The following NOVA1 variants were observed in gnomAD, a reference collection of about 807,000 sequenced individuals.
NOVA1 encodes NOVA alternative splicing regulator 1, also known as RNA-binding protein Nova-1.
In NOVA1, 7 loss-of-function variants were observed where a neutral mutation model predicts 38.0. That is an observed-to-expected ratio of 0.18 (90% CI 0.10 to 0.35). The LOEUF (loss-of-function observed/expected upper bound fraction) is 0.35, where lower values mean the gene tolerates loss of function less well. Among genes scored for constraint, NOVA1 ranks in the 10% least tolerant of loss-of-function variants. NOVA1 has a pLI of 1.00. For synonymous variants in NOVA1, 270 were observed against 232.5 expected (o/e 1.16, Z -1.47); for missense variants, 460 against 616.0 (o/e 0.75, Z 2.68).
At chr14:26,539,880 A>T (rs1486773711) in intron 2 of NOVA1, among the ~76,000 whole-genome samples, 1 of 150,530 alleles carries the variant, frequency 6.6e-6, no homozygotes, top group Non-Finnish European at 1.5e-5. Context: ...GAAAAAAAAA[A>T]CAAGCTATCT....
intron 2 of NOVA1, among the ~76,000 whole-genome samples, chr14:26,560,554 T>A (rs1054192845): frequency 5.3e-5 from 8 of 152,264 alleles, no homozygotes; most frequent in Admixed American, 2.0e-4. Context: ...TATAATAGAA[T>A]CTATCAGATT....
chr14:26,462,295 G>C (rs1351279262), intron 4 of NOVA1, among the ~76,000 whole-genome samples: 1 of 151,680 alleles, frequency 6.6e-6, no homozygotes, highest in East Asian at 1.9e-4. Flanking sequence ...TACAAATTTA[G>C]TATTTTTCAA....
chr14:26,494,632 C>A (rs185475951), intron 2 of NOVA1, among the ~76,000 whole-genome samples: 1 of 152,132 alleles, frequency 6.6e-6, no homozygotes. Context: ...ATAGTTTCCT[C>A]TTCTGGCTTC....
chr14:26,553,969 A>C (rs537121914), intron 2 of NOVA1, among the ~76,000 whole-genome samples: 1 of 110,784 alleles, frequency 9.0e-6, no homozygotes, highest in Admixed American at 1.1e-4. Context: ...TACATGGTGA[A>C]ACCCCGTTTC....
At chr14:26,462,732 A>G (rs1368841992) in intron 4 of NOVA1, among the ~76,000 whole-genome samples, 1 of 152,184 alleles carries the variant, frequency 6.6e-6, no homozygotes, top group Non-Finnish European at 1.5e-5. Context: ...TCTTGACCTC[A>G]ATAAAGCATC....
intron 2 of NOVA1, among the ~76,000 whole-genome samples, chr14:26,528,496 G>T (rs1395821626): frequency 6.6e-6 from 1 of 152,048 alleles, no homozygotes. Context: ...ATTGCTGCAG[G>T]GACTGATCAT....
rs1474643870 is a variant in NOVA1 at position 26,597,730 on chromosome 14, G to C, written c.-294C>G. 15 of 1,080,134 alleles carry C rather than the reference G, an allele frequency of 1.4e-5. No individual in the cohort carries two copies. The highest frequency in any genetic ancestry group is 1.7e-5 in the African/African-American group (1 of 60,294). 66.9% of individuals were successfully genotyped at this position (1,080,134 alleles called of 1,614,324 possible). On this transcript the variant is annotated 5_prime_UTR_variant, in exon 1 of 5. Coordinates refer to ENST00000539517, the MANE Select transcript of NOVA1 (RefSeq NM_002515.3). ...TGAAAGAAGAAGAAGAAAGGAGACA[G>C]GGGGAGAGAGTGGAGAAGGGAGAGG... is the stretch of plus-strand genomic sequence containing the variant.
chr14:26,464,494 C>T (rs1280561842), intron 4 of NOVA1, among the ~76,000 whole-genome samples: 3 of 152,132 alleles, frequency 2.0e-5, no homozygotes, highest in Admixed American at 1.3e-4. Flanking sequence ...AGAACATATC[C>T]GTGATACATG....
At chr14:26,588,417 T>C (rs997928261) in intron 2 of NOVA1, 1 of 151,454 alleles carries the variant, frequency 6.6e-6, no homozygotes, top group Non-Finnish European at 1.5e-5. Flanking sequence ...ATTTTGCTGT[T>C]AAAAACCTCA....
intron 2 of NOVA1, among the ~76,000 whole-genome samples, chr14:26,559,103 T>A (rs1891664205): frequency 6.6e-6 from 1 of 152,154 alleles, no homozygotes; most frequent in South Asian, 2.1e-4. Flanking sequence ...TTGCGATTAT[T>A]TCTCTGAAGC....
intron 2 of NOVA1, among the ~76,000 whole-genome samples, chr14:26,505,339 C>T (rs879871459): frequency 6.6e-6 from 1 of 151,998 alleles, no homozygotes; most frequent in Non-Finnish European, 1.5e-5. Flanking sequence ...GCAGTTTCCC[C>T]CATGCTGTTC....
At chr14:26,577,427 G>C (rs553108748) in intron 2 of NOVA1, among the ~76,000 whole-genome samples, 1 of 152,204 alleles carries the variant, frequency 6.6e-6, no homozygotes, top group East Asian at 1.9e-4. Context: ...GGTCAACCAA[G>C]TAACTAAGAC....
intron 2 of NOVA1, among the ~76,000 whole-genome samples, chr14:26,538,645 G>A (rs1890263922): frequency 6.6e-6 from 1 of 151,586 alleles, no homozygotes; most frequent in African/African-American, 2.4e-5. Context: ...TTTCTAGCTG[G>A]GACCACAGCA....
chr14:26,471,680 T>C (rs972816795), intron 4 of NOVA1, among the ~76,000 whole-genome samples: 1 of 151,972 alleles, frequency 6.6e-6, no homozygotes, highest in African/African-American at 2.4e-5. Flanking sequence ...AAAACAATCA[T>C]AAATCAAACT....
At chr14:26,467,988 G>C (rs999606292) in intron 4 of NOVA1, among the ~76,000 whole-genome samples, 2 of 152,144 alleles carry the variant, frequency 1.3e-5, no homozygotes, top group Non-Finnish European at 2.9e-5. Context: ...CTCCCCTTGA[G>C]TGTGAGTGGG....
At chr14:26,593,930 T>G (rs1894016025) in intron 2 of NOVA1, 1 of 151,950 alleles carries the variant, frequency 6.6e-6, no homozygotes, top group Non-Finnish European at 1.5e-5. Context: ...GTGAATTTAA[T>G]TTACCATTGC....
intron 2 of NOVA1, chr14:26,549,533 C>T (rs994880227): frequency 3.1e-5 from 7 of 228,128 alleles, no homozygotes; most frequent in African/African-American, 1.3e-4. Flanking sequence ...TTGTACCAAT[C>T]AGAAGACCTT....
chr14:26,515,566 T>G (rs1888403340), intron 2 of NOVA1, among the ~76,000 whole-genome samples: 1 of 152,012 alleles, frequency 6.6e-6, no homozygotes, highest in African/African-American at 2.4e-5. Flanking sequence ...TGTGCAAACT[T>G]TTAACTTACA....
chr14:26,597,093 G>T (rs966846372), intron 1 of NOVA1: 1 of 1,231,000 alleles, frequency 8.1e-7, no homozygotes, highest in Non-Finnish European at 1.0e-6. Flanking sequence ...GATAAACACA[G>T]AAATGGAAAT....
Sources: gnomAD v4.1 joint callset for allele counts (sites outside exome capture counted in the v4.1 genomes callset) on GRCh38, gnomAD v4.1.1 for gene constraint, MANE v1.5 for transcripts, NCBI Gene and HGNC (gene_info 2026-07-23, HGNC 2026-07-21) for gene names.